Variants in RRM1 observed in about 807,000 individuals in gnomAD.
RRM1 encodes the protein ribonucleotide reductase catalytic subunit M1.
In RRM1, 19 loss-of-function variants were observed where a neutral mutation model predicts 101.5. That is an observed-to-expected ratio of 0.19 (90% CI 0.13 to 0.27). The LOEUF (loss-of-function observed/expected upper bound fraction) is 0.27. Among genes scored for constraint, RRM1 ranks in the 10% least tolerant of loss-of-function variants. The pLI, the probability that RRM1 is intolerant of heterozygous loss-of-function variation, is 1.00. For synonymous variants in RRM1, 298 were observed against 323.4 expected, an observed-to-expected ratio of 0.92 and a Z score of 0.84; for missense variants, 500 against 962.9, an observed-to-expected ratio of 0.52 and a Z score of 6.36.
At chr11:4,128,165 T>TC (rs199628712) in intron 14 of RRM1, among the ~76,000 whole-genome samples, 13 of 150,700 alleles carry the variant, frequency 8.6e-5, no homozygotes, top group African/African-American at 2.2e-4. Context: ...GTCCCGCTTT[T>TC]TTTTTTTTTT....
At position 4,094,969 on chromosome 11, in the gene RRM1, G is replaced by C. The variant is rs369493432; in HGVS notation, c.-44G>C. The C allele has an allele frequency of 3.2e-6, 5 of 1,553,122 alleles. No individual in the cohort carries two copies. The African/African-American group carries it at 6.8e-5, about 21-fold the overall frequency. On this transcript the variant is annotated 5_prime_UTR_variant, in exon 1 of 19. Transcript: ENST00000300738. ...TCGATCCCGCCGGCGCTTTAGAGCCGCAGTCCAGTCTTGGATCCTTCAGAG... is the reference window on the plus strand; with the variant it reads ...TCGATCCCGCCGGCGCTTTAGAGCCCCAGTCCAGTCTTGGATCCTTCAGAG...
chr11:4,132,345 T>C lies in RRM1; in HGVS notation c.1829T>C (p.Ile610Thr). ...APMPTASTAQ[I>T]LGNNESIEPY... ...ATGCCTACAGCTTCCACTGCTCAGA[T>C]CCTGGGGAATAATGAGTCCATTGAA... The change falls in exon 16 of 19, where the codon ATC becomes ACC. Residue 610 changes from isoleucine (I) to threonine (T), a missense_variant. Physicochemically the swap from Ile to Thr is moderately conservative, Grantham distance 89. Transcript: ENST00000300738. The surrounding 1 kb of genome is among the most constrained non-coding windows in gnomAD (Gnocchi z 4.1). 6.2e-7 allele frequency: 1 copy of C among 1,614,116 alleles called. No individual in the cohort carries two copies. The highest frequency in any genetic ancestry group is 1.1e-5 in the South Asian group (1 of 91,088).
At chr11:4,095,929 T>A (rs776772883) in intron 1 of RRM1, among the ~76,000 whole-genome samples, 5 of 152,256 alleles carry the variant, frequency 3.3e-5, no homozygotes, top group Non-Finnish European at 7.3e-5. Flanking sequence ...CTTGCCTTTG[T>A]TAAAGCAATA....
chr11:4,101,557 A>ACCCCCCCCC (rs200112921), intron 1 of RRM1, among the ~76,000 whole-genome samples: 6 of 43,628 alleles, frequency 1.4e-4, no homozygotes, highest in African/African-American at 2.8e-4. Context: ...CCAGTGATCC[A>ACCCCCCCCC]CACCCCCCCC....
rs542648602 is a variant in RRM1, at chr11:4,099,694, G to A, written c.20-2299G>A. Among the ~76,000 whole-genome samples, 4 of 152,250 alleles carry A rather than the reference G, an allele frequency of 2.6e-5. No homozygotes were observed. The East Asian group carries it at 7.7e-4, about 29-fold the overall frequency. ...CTAAGAAAGGCTTTGCTTGAGAGAA[G>A]AGGATAATGTAGGCAGTGAGAAGCA... is the stretch of plus-strand genomic sequence containing the variant. On this transcript the variant is annotated intron_variant, in intron 1 of 18. Transcript: ENST00000300738.
At chr11:4,116,966 C>CAA (rs143763284) in intron 7 of RRM1, among the ~76,000 whole-genome samples, 71 of 129,506 alleles carry the variant, frequency 5.5e-4, no homozygotes, top group South Asian at 5.0e-3. Flanking sequence ...AACCCTGTCT[C>CAA]AAAAAAAAAG....
At chr11:4,127,387 G>T in intron 14 of RRM1, 131 bp downstream of exon 14, 1 of 556,564 alleles carries the variant, frequency 1.8e-6, no homozygotes, top group South Asian at 4.1e-5. Context: ...TTCAAAAAAA[G>T]GTATTTTGCA....
chr11:4,095,179 C>A, intron 1 of RRM1, 148 bp downstream of exon 1: 3 of 984,942 alleles, frequency 3.0e-6, no homozygotes, highest in South Asian at 3.1e-5. Flanking sequence ...TCAGCCCGCT[C>A]GGCCTTCTGT....
chr11:4,137,545 G>C (rs1225079303), intron 18 of RRM1, among the ~76,000 whole-genome samples: 1 of 37,660 alleles, frequency 2.7e-5, no homozygotes, highest in East Asian at 6.0e-4. Context: ...GGGCAGAGGG[G>C]CTCCTCACTT....
At position 4,119,935 on chromosome 11, in the gene RRM1, TC is replaced by T; in HGVS notation, c.876+9del. 6.6e-7 allele frequency: 1 copy of T among 1,525,134 alleles called. No individual in the cohort carries two copies. Among genetic ancestry groups the T allele is most frequent in the Non-Finnish European group, 9.1e-7 (1 of 1,100,348 alleles). 94.5% of individuals were successfully genotyped at this position (1,525,134 alleles called of 1,614,324 possible). On this transcript the variant is annotated splice_region_variant and intron_variant, in intron 9 of 18. Transcript: ENST00000300738. ...GGATCAAGGTGGGAACAAGGTATGC[TC>T]CATGAATTGAAAGTACTGGAAATCA...
chr11:4,116,621 A>G lies in RRM1; in HGVS notation c.651-1699A>G, dbSNP rs569429736. On this transcript the variant is annotated intron_variant, in intron 7 of 18. Transcript: ENST00000300738. ...ACAACAACAACAAAAACACCCAAAAAAACAAGTTTCAGACTGGGAGAAGAT... is the reference window on the plus strand; with the variant it reads ...ACAACAACAACAAAAACACCCAAAAGAACAAGTTTCAGACTGGGAGAAGAT... Among the ~76,000 whole-genome samples, 5 of 152,072 alleles carry G rather than the reference A, an allele frequency of 3.3e-5. No individual in the cohort carries two copies. The South Asian group carries it at 1.0e-3, about 32-fold the overall frequency.
intron 12 of RRM1, among the ~76,000 whole-genome samples, chr11:4,125,802 C>T (rs1434974559): frequency 1.3e-5 from 2 of 152,088 alleles, no homozygotes; most frequent in African/African-American, 4.8e-5. Flanking sequence ...GCCTATTTTT[C>T]TTCCTGGCAT....
chr11:4,129,898 A>G (rs1286973087), intron 15 of RRM1, among the ~76,000 whole-genome samples: 2 of 151,494 alleles, frequency 1.3e-5, no homozygotes, highest in Non-Finnish European at 2.9e-5. Context: ...AAAATTTAGG[A>G]AAACATAGAT....
At chr11:4,134,043 T>A (rs952432498) in intron 17 of RRM1, among the ~76,000 whole-genome samples, 3 of 132,644 alleles carry the variant, frequency 2.3e-5, no homozygotes, top group Non-Finnish European at 4.6e-5. Flanking sequence ...AGTGCAGTGG[T>A]GGAATCATGG....
chr11:4,134,933 T>G (rs1438064767), intron 17 of RRM1, 149 bp from the exon 18 acceptor site: 1 of 468,030 alleles, frequency 2.1e-6, no homozygotes, highest in East Asian at 3.4e-5. Flanking sequence ...CTTGGTAAAC[T>G]TGATAAGGAT....
intron 12 of RRM1, among the ~76,000 whole-genome samples, chr11:4,123,700 A>G (rs2094585247): frequency 6.6e-6 from 1 of 152,204 alleles, no homozygotes; most frequent in Non-Finnish European, 1.5e-5. Context: ...GTTAGGATGT[A>G]CATTCAATTT....
Position 4,132,192 on chromosome 11 carries a change from C to A in RRM1, c.1770-94C>A. The A allele has an allele frequency of 8.2e-7, 1 of 1,214,856 alleles. No individual in the cohort carries two copies. Among genetic ancestry groups the A allele is most frequent in the Non-Finnish European group, 1.2e-6 (1 of 833,952 alleles). The allele number at this position is 1,214,856 out of a possible 1,614,324, so 75.3% of individuals were successfully genotyped here. A position where few individuals can be genotyped will look rare whatever the true frequency, so the allele number is the denominator to read the frequency against. Reference sequence around the variant, plus strand: ...TACGATGTTACATTTACATTTACTACATTTATCTACATTTACTACAGTGAC... The same window carrying A: ...TACGATGTTACATTTACATTTACTAAATTTATCTACATTTACTACAGTGAC... On this transcript the variant is annotated intron_variant, in intron 15 of 18. Coordinates refer to ENST00000300738, the MANE Select transcript of RRM1 (RefSeq NM_001033.5). The surrounding 1 kb of genome is among the most constrained non-coding windows in gnomAD (Gnocchi z 4.1).
chr11:4,111,874 T>C (rs1189596109), intron 6 of RRM1, 26 bp from the exon 7 acceptor site: 12 of 1,597,670 alleles, frequency 7.5e-6, no homozygotes, highest in East Asian at 2.2e-5. Context: ...CGTCTCATCA[T>C]GTGAAAACTC....
chr11:4,130,464 G>A (rs1330871559), intron 15 of RRM1, among the ~76,000 whole-genome samples: 2 of 152,104 alleles, frequency 1.3e-5, no homozygotes, highest in African/African-American at 4.8e-5. Context: ...GAGAGGCTGA[G>A]GTGGGTGGAT....
Sources: gnomAD v4.1 joint callset for allele counts (sites outside exome capture counted in the v4.1 genomes callset) on GRCh38, gnomAD v4.1.1 for gene constraint, Gnocchi (gnomAD v3.1) non-coding constraint, MANE v1.5 for transcripts, NCBI Gene and HGNC (gene_info 2026-07-23, HGNC 2026-07-21) for gene names.